The following NID2 variants were observed in gnomAD, a reference collection of about 807,000 sequenced individuals.
NID2 encodes nidogen-2.
In NID2, 83 loss-of-function variants were observed where a neutral mutation model predicts 145.4. The ratio of observed to expected loss-of-function variants is 0.57; its 90% CI spans 0.48 to 0.69. NID2 has a LOEUF of 0.69. Among genes scored for constraint, NID2 ranks in the 30% least tolerant of loss-of-function variants. NID2 has a pLI of 0.00. For missense variants in NID2, 1,807 were observed against 1,765.7 expected, an observed-to-expected ratio of 1.02 and a Z score of -0.42; for synonymous variants, 739 against 701.3, an observed-to-expected ratio of 1.05 and a Z score of -0.85.
chr14:52,040,177 G>A (rs145088209), intron 8 of NID2, among the ~76,000 whole-genome samples: 238 of 151,886 alleles, frequency 1.6e-3, no homozygotes, highest in African/African-American at 5.4e-3. Context: ...CTGACCTCAG[G>A]TGATCCACCC....
rs1892608803 is a variant in NID2 at position 52,049,251 on chromosome 14, G to GA, written c.1429+4327dup. Among the ~76,000 whole-genome samples the GA allele has an allele frequency of 2.6e-5, 4 of 151,926 alleles. No homozygotes were observed. The South Asian group carries it at 8.3e-4, about 32-fold the overall frequency. On this transcript the variant is annotated intron_variant, in intron 5 of 21. Coordinates refer to ENST00000216286, the MANE Select transcript of NID2 (RefSeq NM_007361.4). ...TTAATAGAAAGAAAAATGGGGTGGGGAGATATCAGAGGAAAGAAAGAAATG... is the reference window on the plus strand; with the variant it reads ...TTAATAGAAAGAAAAATGGGGTGGGGAAGATATCAGAGGAAAGAAAGAAATG...
rs1319235568 is a variant in NID2, at chr14:52,005,348, A to T, written c.*138T>A. On this transcript the variant is annotated 3_prime_UTR_variant, in exon 22 of 22. Transcript: ENST00000216286. The stretch of plus-strand genomic sequence containing the variant: ...CAGCTTTTCACAAAAGTCTTTTTGC[A>T]CTACAAAATGTTCATCTTGGATGCT... 2 of 702,562 alleles carry T rather than the reference A, an allele frequency of 2.8e-6. No individual in the cohort carries two copies. The highest frequency in any genetic ancestry group is 4.3e-6 in the Non-Finnish European group (2 of 464,344). 43.5% of individuals were successfully genotyped at this position (702,562 alleles called of 1,614,324 possible).
intron 9 of NID2, among the ~76,000 whole-genome samples, chr14:52,030,474 G>GAGAAAGAAT (rs1555363665): frequency 2.4e-5 from 2 of 82,874 alleles, no homozygotes; most frequent in Non-Finnish European, 4.5e-5. Flanking sequence ...CTTATCTCGA[G>GAGAAAGAAT]AGAAAGAAAA....
In NID2 at chr14:52,020,083, C is replaced by T. The variant is rs1891346331; in HGVS notation, c.2770G>A (p.Gly924Arg). The T allele has an allele frequency of 6.2e-7, 1 of 1,613,942 alleles. No homozygotes were observed. Among genetic ancestry groups the T allele is most frequent in the African/African-American group, 1.3e-5 (1 of 74,934 alleles). The change falls in exon 13 of 22, where the codon GGG (glycine) becomes AGG (arginine). Residue 924 changes from glycine to arginine, a missense_variant. Transcript: ENST00000216286. The part of the protein sequence containing the change: ...FSCRCQPGYY[G>R]DGFQCIPDST... ...CCAGGTATGCACTGAAATCCATCCCCATAATATCCGGGTTGACAACGGCAG... is the reference window on the plus strand; with the variant it reads ...CCAGGTATGCACTGAAATCCATCCCTATAATATCCGGGTTGACAACGGCAG...
At chr14:52,019,611 C>T (rs1891330585) in intron 13 of NID2, among the ~76,000 whole-genome samples, 1 of 152,122 alleles carries the variant, frequency 6.6e-6, no homozygotes. Flanking sequence ...TCATTCATGC[C>T]CTGAGGCCCA....
chr14:52,026,453 T>G (rs1393782513), intron 12 of NID2, among the ~76,000 whole-genome samples: 1 of 152,112 alleles, frequency 6.6e-6, no homozygotes, highest in Non-Finnish European at 1.5e-5. Context: ...TTACCCTAAC[T>G]GTGTGTGTGT....
chr14:52,037,791 T>C (rs1892125912), intron 9 of NID2, among the ~76,000 whole-genome samples: 1 of 152,262 alleles, frequency 6.6e-6, no homozygotes, highest in South Asian at 2.1e-4. Context: ...GTGGAACATC[T>C]TCCCATTTAA....
At position 52,011,054 on chromosome 14, in the gene NID2, A is replaced by G. The variant is rs1408505165; in HGVS notation, c.3551-7T>C. ...CCTTCAGGGCTTATCAGACCTGGAA[A>G]TAAAGCAAAGTCAGGACTGGAGTGT... On this transcript the variant is annotated splice_polypyrimidine_tract_variant and splice_region_variant and intron_variant, in intron 17 of 21. Transcript: ENST00000216286. 2 of 1,612,042 alleles carry G rather than the reference A, an allele frequency of 1.2e-6. No homozygotes were observed. The highest frequency in any genetic ancestry group is 1.1e-5 in the South Asian group (1 of 91,058).
rs144461334 is a variant in NID2, at chr14:52,027,279, G to A, written c.2596C>T (p.Arg866Trp). 1.8e-3 allele frequency: 2,943 copies of A among 1,597,856 alleles called. 8 individuals are homozygous for A. The highest frequency in any genetic ancestry group is 3.3e-3 in the Middle Eastern group (20 of 6,034). ...GTGCTGCCTCCATGGTGAACACACC[G>A]GGCCTGCCCAGCAGGAGCACAGGTA... is the stretch of plus-strand genomic sequence containing the variant. ...SHTCAPAGQA[R>W]CVHHGGSTFS... The change falls in exon 12 of 22, where the codon CGG (arginine) becomes TGG (tryptophan). Residue 866 changes from arginine (R) to tryptophan (W), a missense_variant. Transcript: ENST00000216286.
rs1032246780 is a variant in NID2, at chr14:52,056,524, G to A, written c.768-2203C>T. 5.9e-5 allele frequency among the ~76,000 whole-genome samples: 9 copies of A among 152,286 alleles called. 1 individual carries two copies. Among genetic ancestry groups the A allele is most frequent in the Middle Eastern group, 6.8e-3 (2 of 294 alleles). ...AAAATGCCTAGCACTGACCAGGTAC[G>A]GTGGTTCATGCCTGAAATCCCAGCA... On this transcript the variant is annotated intron_variant, in intron 3 of 21. Coordinates refer to ENST00000216286, the MANE Select transcript of NID2 (RefSeq NM_007361.4).
chr14:52,035,668 C>G (rs34390600), intron 9 of NID2, among the ~76,000 whole-genome samples: 10,989 of 151,454 alleles, frequency 0.073, 438 homozygotes, highest in Middle Eastern at 0.13. Flanking sequence ...GTTTCTACTA[C>G]TATTTGCTTC....
At chr14:52,011,864 G>A (rs757120886) in intron 16 of NID2, 181 bp from the exon 17 acceptor site, 2 of 670,286 alleles carry the variant, frequency 3.0e-6, no homozygotes, top group Non-Finnish European at 5.1e-6. Flanking sequence ...CCACTTAGTA[G>A]CCATGTGGCT....
chr14:52,044,722 C>T (rs561998978), intron 5 of NID2, among the ~76,000 whole-genome samples: 4 of 152,254 alleles, frequency 2.6e-5, no homozygotes, highest in Admixed American at 6.5e-5. Flanking sequence ...AAGTGATCCT[C>T]CTATTTCAGC....
At chr14:52,029,731 T>C (rs373341927) in intron 9 of NID2, 41 bp from the exon 10 acceptor site, 3 of 1,584,932 alleles carry the variant, frequency 1.9e-6, no homozygotes, top group African/African-American at 1.3e-5. Context: ...ATCTGGCTAT[T>C]GGTAAGCAAA....
At chr14:52,013,144 G>GA (rs1175616048) in intron 16 of NID2, among the ~76,000 whole-genome samples, 1 of 152,216 alleles carries the variant, frequency 6.6e-6, no homozygotes, top group Non-Finnish European at 1.5e-5. Flanking sequence ...TCAGGTTAGA[G>GA]AAAAAGTCCC....
At chr14:52,026,903 A>C (rs900837095) in intron 12 of NID2, among the ~76,000 whole-genome samples, 4 of 152,222 alleles carry the variant, frequency 2.6e-5, no homozygotes, top group African/African-American at 9.6e-5. Context: ...AAGGTATGCA[A>C]CTTTCCCTAA....
At chr14:52,055,475 C>A (rs77134817) in intron 3 of NID2, among the ~76,000 whole-genome samples, 1 of 152,046 alleles carries the variant, frequency 6.6e-6, no homozygotes, top group African/African-American at 2.4e-5. Flanking sequence ...AGTTAAGGAG[C>A]AAATAAGAAA....
chr14:52,068,142 AGAT>A lies in NID2; in HGVS notation c.247_249del (p.Ile83del). 10 of 1,613,202 alleles carry A rather than the reference AGAT, an allele frequency of 6.2e-6. No homozygotes were observed. The highest frequency in any genetic ancestry group is 7.6e-6 in the Non-Finnish European group (9 of 1,179,882). On this transcript the variant is annotated inframe_deletion, in exon 2 of 22. Coordinates refer to ENST00000216286, the MANE Select transcript of NID2 (RefSeq NM_007361.4). ...GTTTCCCTGGGGAAGTCCTGAGTGG[AGAT>A]GATGCCGTTGGTGCCCACCTGGGAG...
chr14:52,054,007 G>C lies in NID2; in HGVS notation c.1069+13C>G. On this transcript the variant is annotated intron_variant, in intron 4 of 21. Coordinates refer to ENST00000216286, the MANE Select transcript of NID2 (RefSeq NM_007361.4). The stretch of plus-strand genomic sequence containing the variant: ...GGGGGAGGACAGATCAGAATCTGGA[G>C]GGGAGATCCTACCCTCTAAAGGCTT... 1.2e-6 allele frequency: 2 copies of C among 1,611,770 alleles called. No homozygotes were observed. Among genetic ancestry groups the C allele is most frequent in the African/African-American group, 2.7e-5 (2 of 74,982 alleles).
Sources: gnomAD v4.1 joint callset for allele counts (sites outside exome capture counted in the v4.1 genomes callset) on GRCh38, gnomAD v4.1.1 for gene constraint, MANE v1.5 for transcripts, NCBI Gene and HGNC (gene_info 2026-07-23, HGNC 2026-07-21) for gene names.